The following DYNC1I1 variants were observed in gnomAD, a reference collection of about 807,000 sequenced individuals.
DYNC1I1 encodes cytoplasmic dynein 1 intermediate chain 1.
A neutral mutation model predicts 86.6 loss-of-function variants in DYNC1I1; 43 were observed. The observed-to-expected ratio is 0.50, with a 90% confidence interval of 0.39 to 0.64. The LOEUF is 0.64. Ranked by LOEUF, DYNC1I1 falls within the 30% of genes least tolerant of loss-of-function variation. The pLI is 0.00. For missense variants in DYNC1I1, 604 were observed against 788.8 expected (o/e 0.77, Z 2.81); for synonymous variants, 262 against 283.7 (o/e 0.92, Z 0.77).
intron 10 of DYNC1I1, among the ~76,000 whole-genome samples, chr7:96,014,685 G>A (rs1312761931): frequency 2.6e-5 from 4 of 152,284 alleles, no homozygotes. Context: ...GACAGGAATA[G>A]GGCAGAAAAT....
chr7:95,917,735 C>G (rs547897507), intron 6 of DYNC1I1, among the ~76,000 whole-genome samples: 8 of 152,326 alleles, frequency 5.3e-5, no homozygotes, highest in Middle Eastern at 3.4e-3. Flanking sequence ...AACTTTGCTT[C>G]ATGTGGTTTT....
At chr7:95,790,593 GC>G (rs1405810345) in intron 1 of DYNC1I1, among the ~76,000 whole-genome samples, 2 of 152,186 alleles carry the variant, frequency 1.3e-5, no homozygotes, top group Non-Finnish European at 2.9e-5. Flanking sequence ...GTTTTCCTCA[GC>G]TGTTATATTC....
At chr7:96,081,862 A>C (rs560607648) in intron 16 of DYNC1I1, among the ~76,000 whole-genome samples, 16 of 152,300 alleles carry the variant, frequency 1.1e-4, no homozygotes, top group African/African-American at 2.9e-4. Context: ...AGGAACAAAA[A>C]CCGAATGACT....
chr7:95,775,394 A>G (rs1793815402), intron 1 of DYNC1I1, among the ~76,000 whole-genome samples: 1 of 152,254 alleles, frequency 6.6e-6, no homozygotes, highest in South Asian at 2.1e-4. Context: ...GTTAAATGAC[A>G]TACTCAACAT....
chr7:95,977,734 C>A, intron 7 of DYNC1I1, 133 bp downstream of exon 7: 1 of 652,404 alleles, frequency 1.5e-6, no homozygotes, highest in Non-Finnish European at 2.4e-6. Context: ...TATGATTGTT[C>A]AATACATTAC....
At chr7:96,001,447 G>T (rs1420977962) in intron 10 of DYNC1I1, among the ~76,000 whole-genome samples, 1 of 152,154 alleles carries the variant, frequency 6.6e-6, no homozygotes, top group Non-Finnish European at 1.5e-5. Context: ...ATATTAGCCT[G>T]CTCAGGCTGC....
chr7:95,897,824 A>G (rs1790926665), intron 6 of DYNC1I1, among the ~76,000 whole-genome samples: 1 of 151,314 alleles, frequency 6.6e-6, no homozygotes, highest in Admixed American at 6.6e-5. Context: ...TTAGGGAGTG[A>G]TGTCAGCCTG....
intron 2 of DYNC1I1, among the ~76,000 whole-genome samples, chr7:95,805,617 C>G (rs1794684106): frequency 6.6e-6 from 1 of 152,176 alleles, no homozygotes; most frequent in Admixed American, 6.5e-5. Context: ...GTTGTCATAT[C>G]ATGTTTTCTT....
At chr7:95,875,310 A>G (rs1397471692) in intron 6 of DYNC1I1, among the ~76,000 whole-genome samples, 1 of 152,186 alleles carries the variant, frequency 6.6e-6, no homozygotes, top group East Asian at 1.9e-4. Context: ...AATAATATTT[A>G]TTATGTGTTC....
intron 1 of DYNC1I1, among the ~76,000 whole-genome samples, chr7:95,801,867 A>G (rs1209867003): frequency 6.6e-6 from 1 of 152,216 alleles, no homozygotes; most frequent in Non-Finnish European, 1.5e-5. Context: ...TCTTGGAAAG[A>G]AAAAGATCAG....
intron 6 of DYNC1I1, among the ~76,000 whole-genome samples, chr7:95,896,067 TA>T (rs1790875356): frequency 6.6e-6 from 1 of 152,320 alleles, no homozygotes; most frequent in African/African-American, 2.4e-5. Flanking sequence ...GGACAAATTA[TA>T]GCAGAAGCTG....
At chr7:96,035,916 A>C (rs1006475546) in intron 13 of DYNC1I1, among the ~76,000 whole-genome samples, 164 bp downstream of exon 13, 4 of 152,172 alleles carry the variant, frequency 2.6e-5, no homozygotes, top group African/African-American at 9.7e-5. Flanking sequence ...TGCTCTGGTC[A>C]TTAGCTGTTC....
chr7:95,809,144 A>T (rs1794770755), intron 2 of DYNC1I1, among the ~76,000 whole-genome samples: 1 of 152,168 alleles, frequency 6.6e-6, no homozygotes, highest in Non-Finnish European at 1.5e-5. Flanking sequence ...AGACTTCAAA[A>T]ATATGAGTGA....
chr7:96,035,640 A>G lies in DYNC1I1; in HGVS notation c.1252A>G (p.Asn418Asp), dbSNP rs1274805310. ...TPQESMELVY[N>D]KSKPVAVTGM... ...GTAGGAGAGCATGGAGCTGGTGTAC[A>G]ATAAGTCCAAGCCTGTCGCTGTTAC... is the stretch of plus-strand genomic sequence containing the variant. Residue 418 changes from asparagine to aspartate, a missense_variant, in exon 13 of 17, where the codon AAT becomes GAT. Coordinates refer to ENST00000447467, the MANE Select transcript of DYNC1I1 (RefSeq NM_001135556.2). 3 of 1,603,840 alleles carry G rather than the reference A, an allele frequency of 1.9e-6. No homozygotes were observed.
intron 16 of DYNC1I1, among the ~76,000 whole-genome samples, chr7:96,084,779 T>A (rs1268124182): frequency 6.6e-6 from 1 of 152,152 alleles, no homozygotes; most frequent in Non-Finnish European, 1.5e-5. Context: ...GCCACGACTC[T>A]ACATTATAAA....
intron 5 of DYNC1I1, among the ~76,000 whole-genome samples, chr7:95,867,158 T>C (rs942702494): frequency 6.6e-6 from 1 of 152,220 alleles, no homozygotes; most frequent in Non-Finnish European, 1.5e-5. Flanking sequence ...AGAGATCATC[T>C]TCAACTCTAC....
intron 10 of DYNC1I1, among the ~76,000 whole-genome samples, chr7:96,014,147 T>C (rs1794346644): frequency 6.6e-6 from 1 of 152,182 alleles, no homozygotes; most frequent in Non-Finnish European, 1.5e-5. Context: ...AACAGAGTCA[T>C]GCTTTTGCAT....
intron 6 of DYNC1I1, among the ~76,000 whole-genome samples, chr7:95,971,078 G>A (rs1793157601): frequency 6.6e-6 from 1 of 152,126 alleles, no homozygotes; most frequent in Admixed American, 6.6e-5. Context: ...CCATTAAGCA[G>A]GTCAGAGCTC....
chr7:96,102,952 A>G (rs1228679820), downstream of DYNC1I1, among the ~76,000 whole-genome samples: 4 of 152,142 alleles, frequency 2.6e-5, no homozygotes, highest in African/African-American at 9.7e-5. Context: ...AGCCCTACCA[A>G]CTCATAAAGT....
Sources: gnomAD v4.1 joint callset for allele counts (sites outside exome capture counted in the v4.1 genomes callset) on GRCh38, gnomAD v4.1.1 for gene constraint, MANE v1.5 for transcripts, NCBI Gene and HGNC (gene_info 2026-07-23, HGNC 2026-07-21) for gene names.